PHTF2: variants seen among roughly 807,000 people sequenced by gnomAD.
The protein encoded by PHTF2 is putative homeodomain transcription factor 2.
Under a neutral mutation model 101.2 loss-of-function variants are expected in PHTF2, and 60 were observed. The observed-to-expected ratio is 0.59, with a 90% CI of 0.48 to 0.73. The LOEUF (loss-of-function observed/expected upper bound fraction) is 0.73, where lower values mean the gene tolerates loss of function less well. Among genes scored for constraint, PHTF2 ranks in the 30% least tolerant of loss-of-function variants. The pLI is 0.00. For synonymous variants in PHTF2, 311 were observed against 307.3 expected, an observed-to-expected ratio of 1.01 and a Z score of -0.13; for missense variants, 747 against 908.7, an observed-to-expected ratio of 0.82 and a Z score of 2.29.
chr7:77,927,747 A>G (rs991397508), intron 11 of PHTF2, among the ~76,000 whole-genome samples: 27 of 152,258 alleles, frequency 1.8e-4, no homozygotes, highest in Non-Finnish European at 5.9e-5. Flanking sequence ...AAAGGAGTGC[A>G]GGATTAATGA....
At chr7:77,889,748 G>A (rs1025714020) in intron 3 of PHTF2, among the ~76,000 whole-genome samples, 6 of 151,676 alleles carry the variant, frequency 4.0e-5, no homozygotes, top group Non-Finnish European at 5.9e-5. Context: ...GCACGACTAC[G>A]CCTGGCTAAT....
intron 10 of PHTF2, 22 bp from the exon 10 acceptor site, chr7:77,922,599 CCT>C (rs767140474): frequency 1.3e-6 from 2 of 1,575,752 alleles, no homozygotes; most frequent in Admixed American, 3.5e-5. Flanking sequence ...TACCTATAAT[CCT>C]CTTTGTGTAC....
chr7:77,835,987 G>A (rs550864356), intron 1 of PHTF2, among the ~76,000 whole-genome samples: 14 of 151,838 alleles, frequency 9.2e-5, no homozygotes, highest in Admixed American at 3.9e-4. Context: ...GTGTAGTGGC[G>A]CATTCCTGTA....
rs562013894 is a variant in PHTF2 at position 77,925,959 on chromosome 7, G to T, written c.1120-3150G>T. Among the ~76,000 whole-genome samples the T allele has an allele frequency of 1.6e-4, 25 of 152,058 alleles. 1 individual carries two copies. The South Asian group carries it at 5.0e-3, about 30-fold the overall frequency. On this transcript the variant is annotated intron_variant, in intron 11 of 19. Transcript: ENST00000416283. ...TAGTCCCAGCCACTTGGGAGGCTGT[G>T]GCAGGAGAATCACTTGAACCCAAGA...
chr7:77,823,006 G>A (rs1371544268), intron 1 of PHTF2, among the ~76,000 whole-genome samples: 2 of 149,126 alleles, frequency 1.3e-5, no homozygotes, highest in Admixed American at 6.8e-5. Flanking sequence ...CCGGGTTCAC[G>A]CCATTCTCCT....
chr7:77,919,307 T>TA (rs1467446582), intron 9 of PHTF2, among the ~76,000 whole-genome samples: 4 of 152,316 alleles, frequency 2.6e-5, no homozygotes, highest in South Asian at 2.1e-4. Flanking sequence ...TGTGCATTTT[T>TA]AAAAAACTTT....
At chr7:77,840,850 T>C (rs1795810403) in intron 2 of PHTF2, among the ~76,000 whole-genome samples, 1 of 152,096 alleles carries the variant, frequency 6.6e-6, no homozygotes, top group African/African-American at 2.4e-5. Flanking sequence ...TCCAAAAGAA[T>C]ATAGGCATTT....
chr7:77,900,240 G>A (rs1324052583), intron 5 of PHTF2, among the ~76,000 whole-genome samples: 3 of 152,136 alleles, frequency 2.0e-5, no homozygotes, highest in Non-Finnish European at 2.9e-5. Flanking sequence ...GGTCTCAGCT[G>A]ATTGGCGTCT....
At chr7:77,856,946 T>G (rs1187230093) in intron 3 of PHTF2, among the ~76,000 whole-genome samples, 1 of 152,120 alleles carries the variant, frequency 6.6e-6, no homozygotes, top group East Asian at 1.9e-4. Context: ...TAATAGTAAT[T>G]ATCTTATGAC....
chr7:77,926,462 CACAA>C (rs917853425), intron 11 of PHTF2, among the ~76,000 whole-genome samples: 6 of 151,954 alleles, frequency 3.9e-5, no homozygotes, highest in Admixed American at 1.3e-4. Context: ...GCCCTCCTCC[CACAA>C]ACACTCTATT....
chr7:77,813,391 A>G (rs940225891), intron 1 of PHTF2, among the ~76,000 whole-genome samples: 4 of 152,244 alleles, frequency 2.6e-5, no homozygotes, highest in African/African-American at 9.6e-5. Context: ...AAGATAAGCA[A>G]CTGAGACCTG....
intron 1 of PHTF2, among the ~76,000 whole-genome samples, chr7:77,826,524 T>C (rs1379083377): frequency 6.6e-6 from 1 of 152,152 alleles, no homozygotes; most frequent in East Asian, 1.9e-4. Flanking sequence ...TCACTGTCCA[T>C]GGTGGCTGCT....
At chr7:77,910,164 C>T (rs1286586005) in intron 8 of PHTF2, 81 bp from the exon 8 acceptor site, 3 of 1,167,178 alleles carry the variant, frequency 2.6e-6, no homozygotes, top group Non-Finnish European at 3.6e-6. Flanking sequence ...TTTATGTTTT[C>T]CAAAATTTTG....
At chr7:77,925,222 C>A (rs931261191) in intron 11 of PHTF2, among the ~76,000 whole-genome samples, 1 of 151,994 alleles carries the variant, frequency 6.6e-6, no homozygotes. Context: ...CTTCCACCCC[C>A]CAAGAAAGCA....
At chr7:77,893,654 G>A (rs1201992373) in exon 4 of PHTF2, 1 of 1,371,554 alleles carries the variant, frequency 7.3e-7, no homozygotes, top group Non-Finnish European at 1.0e-6. Context: ...GTTGAACAGA[G>A]AGAAATCAAG....
chr7:77,800,622 C>A (rs907738152), intron 1 of PHTF2, among the ~76,000 whole-genome samples: 4 of 152,072 alleles, frequency 2.6e-5, no homozygotes, highest in Admixed American at 1.3e-4. Flanking sequence ...GTGGCCCACC[C>A]AATTTTTAAA....
At chr7:77,917,487 C>T (rs1490908688) in intron 9 of PHTF2, among the ~76,000 whole-genome samples, 2 of 152,218 alleles carry the variant, frequency 1.3e-5, no homozygotes, top group African/African-American at 2.4e-5. Flanking sequence ...GTATATTATA[C>T]ACCATCAATT....
At chr7:77,866,963 A>T (rs539115312) in intron 3 of PHTF2, among the ~76,000 whole-genome samples, 7 of 152,346 alleles carry the variant, frequency 4.6e-5, no homozygotes, top group African/African-American at 1.4e-4. Flanking sequence ...CACATGCTGC[A>T]ATATGAAGGA....
intron 1 of PHTF2, among the ~76,000 whole-genome samples, chr7:77,805,457 A>G (rs1792897919): frequency 6.6e-6 from 1 of 151,906 alleles, no homozygotes; most frequent in Non-Finnish European, 1.5e-5. Context: ...TTTGCATTTT[A>G]TTTGCTCTTG....
Sources: allele counts gnomAD v4.1 joint callset (sites outside exome capture counted in the v4.1 genomes callset), GRCh38; gene constraint gnomAD v4.1.1; transcripts MANE v1.5; gene names NCBI Gene and HGNC (gene_info 2026-07-23, HGNC 2026-07-21).